The following NDOR1 variants were observed in gnomAD, a reference collection of about 807,000 sequenced individuals.
The protein encoded by NDOR1 is NADPH-dependent diflavin oxidoreductase 1.
In NDOR1, 61 loss-of-function variants were observed where a neutral mutation model predicts 67.2. That is an observed-to-expected ratio of 0.91 (90% CI 0.74 to 1.12). The LOEUF (loss-of-function observed/expected upper bound fraction) is 1.12. Ranked by LOEUF, NDOR1 falls within the 50% of genes most tolerant of loss-of-function variation. NDOR1 has a pLI of 0.00. For missense variants in NDOR1, 878 were observed against 802.8 expected (o/e 1.09, Z -1.13); for synonymous variants, 378 against 343.7 (o/e 1.10, Z -1.10).
rs547631766 is a variant in NDOR1 at position 137,216,832 on chromosome 9, C to T, written c.*416C>T. ...CTGGGGCCACCTCGGCTGCTGCAGC[C>T]TGCCCAGCAGCACATTCCAGTCACT... On this transcript the variant is annotated 3_prime_UTR_variant, in exon 14 of 14. Transcript: ENST00000684003. 4.3e-5 allele frequency: 10 copies of T among 231,324 alleles called. No homozygotes were observed. In the East Asian group the frequency reaches 1.1e-3, roughly 26 times the overall value. 14.3% of individuals were successfully genotyped at this position (231,324 alleles called of 1,614,324 possible). A position where few individuals can be genotyped will look rare whatever the true frequency, so the allele number is the denominator to read the frequency against.
intron 5 of NDOR1, 23 bp from the exon 6 acceptor site, chr9:137,214,181 C>T: frequency 6.3e-7 from 1 of 1,597,384 alleles, no homozygotes. Context: ...GGGTCCTGGT[C>T]TGACCAGCGT....
chr9:137,205,728 G>C lies in NDOR1; in HGVS notation c.-50G>C, dbSNP rs767921020. The C allele has an allele frequency of 3.8e-6, 6 of 1,597,510 alleles. No homozygotes were observed. Among genetic ancestry groups the C allele is most frequent in the South Asian group, 1.1e-5 (1 of 91,024 alleles). On this transcript the variant is annotated 5_prime_UTR_variant, in exon 1 of 14. Transcript: ENST00000684003. Reference sequence around the variant, plus strand: ...GCGGTCCCTGCAACCCGGCCGGCGGGAACTGCCTTCTAGTTTTTAGTCTCA... The same window carrying C: ...GCGGTCCCTGCAACCCGGCCGGCGGCAACTGCCTTCTAGTTTTTAGTCTCA...
chr9:137,211,306 C>T (rs890973533), intron 2 of NDOR1, among the ~76,000 whole-genome samples: 5 of 152,182 alleles, frequency 3.3e-5, no homozygotes, highest in Non-Finnish European at 5.9e-5. Context: ...GCGGGGTCTG[C>T]GGCCAGAGAG....
intron 2 of NDOR1, among the ~76,000 whole-genome samples, chr9:137,209,744 CAG>C (rs963037848): frequency 2.0e-5 from 3 of 152,216 alleles, no homozygotes; most frequent in Non-Finnish European, 2.9e-5. Context: ...CAGGAGAAAA[CAG>C]AGGAACCACA....
In NDOR1 at chr9:137,205,726, G is replaced by A. The variant is rs1588783839; in HGVS notation, c.-52G>A. 6 of 1,597,146 alleles carry A rather than the reference G, an allele frequency of 3.8e-6. No homozygotes were observed. The highest frequency in any genetic ancestry group is 3.3e-5 in the Admixed American group (2 of 59,922). ...GAGCGGTCCCTGCAACCCGGCCGGCGGGAACTGCCTTCTAGTTTTTAGTCT... is the reference window on the plus strand; with the variant it reads ...GAGCGGTCCCTGCAACCCGGCCGGCAGGAACTGCCTTCTAGTTTTTAGTCT... On this transcript the variant is annotated 5_prime_UTR_variant, in exon 1 of 14. Coordinates refer to ENST00000684003, the MANE Select transcript of NDOR1 (RefSeq NM_014434.4).
Position 137,214,275 on chromosome 9 carries a change from C to T in NDOR1, c.584C>T (p.Ala195Val). 1 of 1,613,814 alleles carries T rather than the reference C, an allele frequency of 6.2e-7. No homozygotes were observed. Among genetic ancestry groups the T allele is most frequent in the Non-Finnish European group, 8.5e-7 (1 of 1,180,016 alleles). ...ACGGGCTCTGAGGGGCAGCGGGTAG[C>T]TCACCCCGGCTCTCAGGAGCCCCCG... ...PSTGSEGQRV[A>V]HPGSQEPPSE... The change falls in exon 6 of 14, where the codon GCT becomes GTT. Residue 195 changes from alanine to valine, a missense_variant. Transcript: ENST00000684003.
At chr9:137,206,194 C>T in intron 1 of NDOR1, 38 bp from the exon 2 acceptor site, 2 of 1,612,130 alleles carry the variant, frequency 1.2e-6, no homozygotes, top group Non-Finnish European at 1.7e-6. Flanking sequence ...CCGGTCCTTA[C>T]AGCCGGAGGT....
At chr9:137,206,442 T>G in intron 2 of NDOR1, 133 bp downstream of exon 2, 1 of 950,144 alleles carries the variant, frequency 1.1e-6, no homozygotes, top group Non-Finnish European at 1.7e-6. Flanking sequence ...TGAGAGAACG[T>G]CCGTGAGTGG....
At chr9:137,207,675 A>T (rs1373069632) in intron 2 of NDOR1, among the ~76,000 whole-genome samples, 2 of 152,170 alleles carry the variant, frequency 1.3e-5, no homozygotes, top group African/African-American at 4.8e-5. Flanking sequence ...GGGCTCTGGC[A>T]TGTAAAGCTG....
intron 2 of NDOR1, among the ~76,000 whole-genome samples, chr9:137,210,224 T>A (rs1385966294): frequency 1.3e-5 from 2 of 152,146 alleles, no homozygotes; most frequent in Non-Finnish European, 2.9e-5. Context: ...CTTTCTCTTT[T>A]TCTTTTTCTT....
rs907065661 is a variant in NDOR1, at chr9:137,212,403, T to C, written c.214-99T>C. 2 of 1,047,724 alleles carry C rather than the reference T, an allele frequency of 1.9e-6. No homozygotes were observed. The highest frequency in any genetic ancestry group is 3.0e-6 in the Non-Finnish European group (2 of 676,852). The allele number at this position is 1,047,724 out of a possible 1,614,324, so 64.9% of individuals were successfully genotyped here. On this transcript the variant is annotated intron_variant, in intron 2 of 13. Coordinates refer to ENST00000684003, the MANE Select transcript of NDOR1 (RefSeq NM_014434.4). This position sits in a 1 kb window ranked among gnomAD's most constrained non-coding sequence, Gnocchi z 4.3. Reference sequence around the variant, plus strand: ...GTCCAGTTGTATTCTGCCCCCATCCTACCCACCTGCCTGTTCCCCTGAGAC... The same window carrying C: ...GTCCAGTTGTATTCTGCCCCCATCCCACCCACCTGCCTGTTCCCCTGAGAC...
intron 2 of NDOR1, among the ~76,000 whole-genome samples, chr9:137,208,349 G>A (rs563779989): frequency 6.6e-6 from 1 of 152,098 alleles, no homozygotes; most frequent in South Asian, 2.1e-4. Context: ...TACTCGGGAG[G>A]CTGAGGCAGG....
At chr9:137,211,659 C>G (rs1183242359) in intron 2 of NDOR1, among the ~76,000 whole-genome samples, 1 of 152,018 alleles carries the variant, frequency 6.6e-6, no homozygotes, top group Non-Finnish European at 1.5e-5. Flanking sequence ...TACATTTGCT[C>G]GCATAGCGTG....
Position 137,214,422 on chromosome 9 carries a change from T to C in NDOR1, c.722+9T>C. The C allele has an allele frequency of 1.2e-6, 2 of 1,613,102 alleles. No homozygotes were observed. The highest frequency in any genetic ancestry group is 1.7e-6 in the Non-Finnish European group (2 of 1,179,816). ...TTGGGCTCTGGCATCAGGTGGGGAC[T>C]GCTGGGGACCGAGGAGGGCAAGGTG... On this transcript the variant is annotated intron_variant, in intron 6 of 13. Coordinates refer to ENST00000684003, the MANE Select transcript of NDOR1 (RefSeq NM_014434.4).
Position 137,205,766 on chromosome 9 carries a change from G to C in NDOR1, c.-12G>C, listed in dbSNP as rs1588784155. 1 of 1,602,588 alleles carries C rather than the reference G, an allele frequency of 6.2e-7. No homozygotes were observed. Among genetic ancestry groups the C allele is most frequent in the African/African-American group, 1.3e-5 (1 of 74,918 alleles). On this transcript the variant is annotated 5_prime_UTR_variant, in exon 1 of 14. Transcript: ENST00000684003. ...GTTTTTAGTCTCAGACCAGACCACC[G>C]GGCGCACCCCGATGCCGAGCCCGCA...
Position 137,216,760 on chromosome 9 carries a change from C to A in NDOR1, c.*344C>A. 1 of 346,764 alleles carries A rather than the reference C, an allele frequency of 2.9e-6. No homozygotes were observed. 21.5% of individuals were successfully genotyped at this position (346,764 alleles called of 1,614,324 possible). A position where few individuals can be genotyped will look rare whatever the true frequency, so the allele number is the denominator to read the frequency against. The stretch of plus-strand genomic sequence containing the variant: ...ACGGCATCAGCAGCCCAGTGAGCAC[C>A]AGGGGTGGCATAGGGCACCCATGAG... On this transcript the variant is annotated 3_prime_UTR_variant, in exon 14 of 14. Transcript: ENST00000684003.
Position 137,218,632 on chromosome 9 carries a change from A to C in NDOR1, c.*2216A>C, listed in dbSNP as rs968312974. 2 of 398,590 alleles carry C rather than the reference A, an allele frequency of 5.0e-6. No homozygotes were observed. Among genetic ancestry groups the C allele is most frequent in the African/African-American group, 4.1e-5 (2 of 48,762 alleles). The allele number at this position is 398,590 out of a possible 1,614,324, so 24.7% of individuals were successfully genotyped here. A position where few individuals can be genotyped will look rare whatever the true frequency, so the allele number is the denominator to read the frequency against. ...AGCCCAGGACAGCCCCGCCGCCAACAGGCCAGGGGGCCCAGACTGGCCCAC... is the reference window on the plus strand; with the variant it reads ...AGCCCAGGACAGCCCCGCCGCCAACCGGCCAGGGGGCCCAGACTGGCCCAC... On this transcript the variant is annotated 3_prime_UTR_variant, in exon 14 of 14. Transcript: ENST00000684003.
At chr9:137,209,266 G>A (rs1374224971) in intron 2 of NDOR1, among the ~76,000 whole-genome samples, 7 of 152,136 alleles carry the variant, frequency 4.6e-5, no homozygotes, top group Non-Finnish European at 4.4e-5. Context: ...GATGTGCAGC[G>A]GCTTGGGGGA....
In NDOR1 at chr9:137,215,702, C is replaced by T; in HGVS notation, c.1332C>T (p.Ala444=). ...TCTGGGTGCGGCCTGGGAGTCTGGC[C>T]TTCCCAGAGACACCAGACACACCTG... is the stretch of plus-strand genomic sequence containing the variant. The part of the protein sequence containing the change: ...VPLWVRPGSL[A]FPETPDTPVI... The change falls in exon 11 of 14, where the codon GCC becomes GCT. Residue 444 remains alanine (A), a synonymous_variant. Transcript: ENST00000684003. The T allele has an allele frequency of 6.3e-7, 1 of 1,593,142 alleles. No homozygotes were observed. Among genetic ancestry groups the T allele is most frequent in the South Asian group, 1.1e-5 (1 of 88,278 alleles).
Sources: allele counts gnomAD v4.1 joint callset (sites outside exome capture counted in the v4.1 genomes callset), GRCh38; gene constraint gnomAD v4.1.1; non-coding constraint Gnocchi (gnomAD v3.1); transcripts MANE v1.5; gene names NCBI Gene and HGNC (gene_info 2026-07-23, HGNC 2026-07-21).